The following RNF150 variants were observed in gnomAD, a reference collection of about 807,000 sequenced individuals.
The protein encoded by RNF150 is ring finger protein 150.
In RNF150, 24 loss-of-function variants were observed where a neutral mutation model predicts 39.3. The observed-to-expected ratio is 0.61, with a 90% CI of 0.44 to 0.86. The LOEUF is 0.86. RNF150 is among the 40% of genes least tolerant of loss of function. The pLI is 0.00. For missense variants in RNF150, 502 were observed against 587.8 expected (o/e 0.85, Z 1.51); for synonymous variants, 255 against 227.3 (o/e 1.12, Z -1.10).
intron 6 of RNF150, among the ~76,000 whole-genome samples, chr4:140,869,511 A>G (rs896168800): frequency 1.3e-5 from 2 of 152,192 alleles, no homozygotes; most frequent in Admixed American, 1.3e-4. Context: ...GCTAGAGGCT[A>G]TGGATATAGG....
At chr4:140,890,908 G>A (rs1406018406) in intron 6 of RNF150, among the ~76,000 whole-genome samples, 3 of 152,206 alleles carry the variant, frequency 2.0e-5, no homozygotes, top group Admixed American at 6.5e-5. Flanking sequence ...GGAGTTTAAT[G>A]CAGCTTCCAG....
intron 1 of RNF150, among the ~76,000 whole-genome samples, chr4:141,150,993 A>C (rs1727287500): frequency 6.6e-6 from 1 of 152,136 alleles, no homozygotes; most frequent in African/African-American, 2.4e-5. Context: ...GTGTCATGGC[A>C]CAATCATAGC....
At chr4:141,036,034 G>A (rs977303718) in intron 1 of RNF150, among the ~76,000 whole-genome samples, 4 of 152,116 alleles carry the variant, frequency 2.6e-5, no homozygotes, top group Non-Finnish European at 5.9e-5. Flanking sequence ...GAACCACAGT[G>A]GAAAGCCAGG....
chr4:141,118,213 AGG>A (rs1319788213), intron 1 of RNF150, among the ~76,000 whole-genome samples: 1 of 152,166 alleles, frequency 6.6e-6, no homozygotes, highest in Admixed American at 6.5e-5. Flanking sequence ...GACAATTGAT[AGG>A]CTGCTTAGAC....
intron 4 of RNF150, among the ~76,000 whole-genome samples, chr4:140,930,764 A>T (rs559934566): frequency 6.6e-6 from 1 of 152,238 alleles, no homozygotes; most frequent in East Asian, 1.9e-4. Flanking sequence ...TTGTTGCCAG[A>T]TTTATCTTCC....
At chr4:140,889,438 A>T (rs1729684464) in intron 6 of RNF150, among the ~76,000 whole-genome samples, 1 of 152,214 alleles carries the variant, frequency 6.6e-6, no homozygotes, top group Non-Finnish European at 1.5e-5. Context: ...TATAAAACCA[A>T]GTCATTACTT....
At chr4:140,936,405 A>G (rs1560976232) in intron 4 of RNF150, among the ~76,000 whole-genome samples, 1 of 152,230 alleles carries the variant, frequency 6.6e-6, no homozygotes, top group Non-Finnish European at 1.5e-5. Context: ...ACTACACTGC[A>G]TAACTTTTAA....
At chr4:141,049,117 A>AT (rs1736686798) in intron 1 of RNF150, among the ~76,000 whole-genome samples, 1 of 152,204 alleles carries the variant, frequency 6.6e-6, no homozygotes, top group Non-Finnish European at 1.5e-5. Flanking sequence ...TAGAAAGCAA[A>AT]TAGGGCAATA....
intron 6 of RNF150, among the ~76,000 whole-genome samples, chr4:140,877,483 C>T (rs901524366): frequency 6.6e-6 from 1 of 152,192 alleles, no homozygotes; most frequent in African/African-American, 2.4e-5. Flanking sequence ...AGAGTTCATA[C>T]ATATTTATCC....
intron 1 of RNF150, among the ~76,000 whole-genome samples, chr4:141,027,912 GTTTTTTTTTTTTTGTTTTTTT>G (rs1380184131): frequency 2.2e-4 from 6 of 27,104 alleles, no homozygotes; most frequent in South Asian, 1.0e-3. Flanking sequence ...CTTGGAATTT[GTTTTTTTTTTTTTGTTTTTTT>G]TTTTTTTTTT....
At chr4:141,112,268 T>G (rs1286068422) in intron 1 of RNF150, among the ~76,000 whole-genome samples, 1 of 152,212 alleles carries the variant, frequency 6.6e-6, no homozygotes, top group Non-Finnish European at 1.5e-5. Flanking sequence ...ATCCTGTCAT[T>G]ATGATGATAG....
At chr4:140,919,029 C>T (rs1233106577) in intron 5 of RNF150, among the ~76,000 whole-genome samples, 15 of 151,592 alleles carry the variant, frequency 9.9e-5, no homozygotes, top group South Asian at 2.1e-4. Context: ...ATTGATGGGA[C>T]GTATCTCAAA....
At chr4:141,149,530 T>G (rs950828223) in intron 1 of RNF150, among the ~76,000 whole-genome samples, 2 of 152,222 alleles carry the variant, frequency 1.3e-5, no homozygotes, top group African/African-American at 4.8e-5. Flanking sequence ...AATAATAGTC[T>G]TCAGTTCCAT....
At chr4:141,003,167 T>A (rs1256947061) in intron 1 of RNF150, among the ~76,000 whole-genome samples, 1 of 151,982 alleles carries the variant, frequency 6.6e-6, no homozygotes, top group Non-Finnish European at 1.5e-5. Flanking sequence ...AAATAATGAA[T>A]AAAGAATTGA....
At position 141,132,499 on chromosome 4, in the gene RNF150, G is replaced by C. The variant is rs766711130; in HGVS notation, c.310C>G (p.Pro104Ala). The change falls in exon 1 of 7, where the codon CCC (proline) becomes GCC (alanine). Residue 104 changes from proline to alanine, a missense_variant. Coordinates refer to ENST00000515673, the MANE Select transcript of RNF150 (RefSeq NM_020724.2). This position sits in a 1 kb window ranked among gnomAD's most constrained non-coding sequence, Gnocchi z 4.9. ...GTCGGGGCGGCGAACTTGGTGTTGG[G>C]GTCGCAGGCCAGGCGGTCGTGGGCC... ...SSAHDRLACDPNTKFAAPTRG... is the reference protein window; with the variant it reads ...SSAHDRLACDANTKFAAPTRG... 4 of 1,606,264 alleles carry C rather than the reference G, an allele frequency of 2.5e-6. No homozygotes were observed. In the African/African-American group the frequency reaches 5.3e-5, roughly 21 times the overall value.
chr4:141,072,333 G>A (rs1737738694), intron 1 of RNF150, among the ~76,000 whole-genome samples: 1 of 152,222 alleles, frequency 6.6e-6, no homozygotes, highest in East Asian at 1.9e-4. Flanking sequence ...AACTTTGACT[G>A]TGGCTGAAGT....
intron 1 of RNF150, among the ~76,000 whole-genome samples, chr4:141,196,228 T>TA (rs1333833425): frequency 9.9e-5 from 15 of 152,146 alleles, no homozygotes; most frequent in Non-Finnish European, 1.5e-4. Context: ...TTTCTTCTGT[T>TA]AAAAAAACCC....
At chr4:141,040,472 A>G (rs544244654) in intron 1 of RNF150, among the ~76,000 whole-genome samples, 38 of 152,204 alleles carry the variant, frequency 2.5e-4, no homozygotes, top group Non-Finnish European at 5.0e-4. Context: ...GGAAATAATA[A>G]TATACTTCTA....
At chr4:140,947,594 G>T (rs1732368307) in intron 4 of RNF150, 60 bp downstream of exon 4, 3 of 1,276,194 alleles carry the variant, frequency 2.4e-6, no homozygotes, top group Non-Finnish European at 3.4e-6. Context: ...GGCCAGGGAG[G>T]CCACGCAGGC....
Sources: allele counts gnomAD v4.1 joint callset (sites outside exome capture counted in the v4.1 genomes callset), GRCh38; gene constraint gnomAD v4.1.1; non-coding constraint Gnocchi (gnomAD v3.1); transcripts MANE v1.5; gene names NCBI Gene and HGNC (gene_info 2026-07-23, HGNC 2026-07-21).